The following TRAPPC9 variants were observed in gnomAD, a reference collection of about 807,000 sequenced individuals.
TRAPPC9 encodes trafficking protein particle complex subunit 9, also known as IKK2 binding protein.
A neutral mutation model predicts 124.0 loss-of-function variants in TRAPPC9; 83 were observed. That is an observed-to-expected ratio of 0.67 (90% CI 0.56 to 0.80). The LOEUF is 0.80. Among genes scored for constraint, TRAPPC9 ranks in the 30% least tolerant of loss-of-function variants. The pLI is 0.00. For synonymous variants in TRAPPC9, 638 were observed against 617.5 expected (o/e 1.03, Z -0.49); for missense variants, 1,302 against 1,508.3 (o/e 0.86, Z 2.27).
At chr8:139,777,928 C>A (rs928490686) in intron 21 of TRAPPC9, among the ~76,000 whole-genome samples, 1 of 151,856 alleles carries the variant, frequency 6.6e-6, no homozygotes, top group African/African-American at 2.4e-5. Context: ...AAGGTGAATG[C>A]AGCTAGAGTT....
intron 21 of TRAPPC9, among the ~76,000 whole-genome samples, chr8:139,796,590 T>C (rs1563820352): frequency 6.6e-6 from 1 of 152,276 alleles, no homozygotes; most frequent in Non-Finnish European, 1.5e-5. Context: ...AGCACTTCAT[T>C]CCTTTTCAGA....
At chr8:139,738,342 C>G (rs1168792023) in intron 21 of TRAPPC9, among the ~76,000 whole-genome samples, 1 of 152,230 alleles carries the variant, frequency 6.6e-6, no homozygotes, top group East Asian at 1.9e-4. Flanking sequence ...ATAATGTGCC[C>G]CCTCCACTTG....
intron 17 of TRAPPC9, among the ~76,000 whole-genome samples, chr8:140,037,210 C>T (rs2132006566): frequency 6.6e-6 from 1 of 152,188 alleles, no homozygotes; most frequent in South Asian, 2.1e-4. Flanking sequence ...GCCCAGGCCC[C>T]TGAGCGAGTG....
At chr8:140,174,968 G>C (rs1440656477) in intron 17 of TRAPPC9, among the ~76,000 whole-genome samples, 1 of 150,458 alleles carries the variant, frequency 6.6e-6, no homozygotes, top group African/African-American at 2.4e-5. Flanking sequence ...GTTTTTTGTG[G>C]AACTACCAAA....
chr8:139,761,567 G>A (rs932220508), intron 21 of TRAPPC9, among the ~76,000 whole-genome samples: 32 of 151,960 alleles, frequency 2.1e-4, no homozygotes, highest in Admixed American at 2.0e-3. Context: ...CTATGACCCC[G>A]CATTCTGACC....
At chr8:139,912,742 T>G (rs1208242163) in intron 19 of TRAPPC9, among the ~76,000 whole-genome samples, 3 of 152,248 alleles carry the variant, frequency 2.0e-5, no homozygotes, top group African/African-American at 7.2e-5. Flanking sequence ...GAATTACCCC[T>G]GAGGTTGAAC....
At chr8:140,088,341 C>G (rs1188133329) in intron 17 of TRAPPC9, among the ~76,000 whole-genome samples, 1 of 152,168 alleles carries the variant, frequency 6.6e-6, no homozygotes, top group Non-Finnish European at 1.5e-5. Context: ...AATCTATCAC[C>G]TAAGAGGTAT....
Position 140,186,363 on chromosome 8 carries a change from T to C in TRAPPC9, c.2556+35096A>G, listed in dbSNP as rs111609396. 4.6e-3 allele frequency among the ~76,000 whole-genome samples: 703 copies of C among 152,190 alleles called. 7 individuals carry two copies. The highest frequency in any genetic ancestry group is 0.016 in the African/African-American group (671 of 41,554). ...CTTTGGGAGGCCAAGGCAGGTGGATTACCTGAGGTCAGGAGTTTGAGACCA... is the reference window on the plus strand; with the variant it reads ...CTTTGGGAGGCCAAGGCAGGTGGATCACCTGAGGTCAGGAGTTTGAGACCA... On this transcript the variant is annotated intron_variant, in intron 17 of 22. Transcript: ENST00000438773.
chr8:139,918,563 G>A (rs1370883872), intron 19 of TRAPPC9, among the ~76,000 whole-genome samples: 2 of 152,220 alleles, frequency 1.3e-5, no homozygotes, highest in Admixed American at 1.3e-4. Flanking sequence ...CACGGAGCCG[G>A]CTCCCCTTGC....
At chr8:140,138,194 C>T (rs2061334085) in intron 17 of TRAPPC9, among the ~76,000 whole-genome samples, 1 of 152,150 alleles carries the variant, frequency 6.6e-6, no homozygotes, top group African/African-American at 2.4e-5. Context: ...CTCAGCTACT[C>T]AGGAGGCTAA....
chr8:139,862,505 G>A (rs1828234749), intron 21 of TRAPPC9, among the ~76,000 whole-genome samples: 1 of 152,240 alleles, frequency 6.6e-6, no homozygotes, highest in South Asian at 2.1e-4. Context: ...TGCCTCATCA[G>A]GCTCAAGGTC....
chr8:139,735,338 T>C (rs1818086875), intron 21 of TRAPPC9, among the ~76,000 whole-genome samples: 1 of 152,228 alleles, frequency 6.6e-6, no homozygotes, highest in South Asian at 2.1e-4. Flanking sequence ...TTGAGGGACT[T>C]TGTCTTGAGG....
At chr8:139,941,638 G>C (rs2131446430) in intron 19 of TRAPPC9, among the ~76,000 whole-genome samples, 1 of 152,242 alleles carries the variant, frequency 6.6e-6, no homozygotes, top group East Asian at 1.9e-4. Flanking sequence ...TCCAAGGCTA[G>C]TCACAGGTAT....
At chr8:140,321,203 C>G (rs1479214634) in intron 9 of TRAPPC9, among the ~76,000 whole-genome samples, 4 of 152,246 alleles carry the variant, frequency 2.6e-5, no homozygotes, top group South Asian at 2.1e-4. Flanking sequence ...GCGCTCCAGG[C>G]AGTCTCATGG....
chr8:140,385,361 A>G (rs2132314598), intron 7 of TRAPPC9, among the ~76,000 whole-genome samples: 1 of 152,336 alleles, frequency 6.6e-6, no homozygotes, highest in East Asian at 1.9e-4. Context: ...AAACCTTTAA[A>G]AATCAATGAA....
At chr8:139,768,970 C>T (rs1820767469) in intron 21 of TRAPPC9, among the ~76,000 whole-genome samples, 1 of 152,218 alleles carries the variant, frequency 6.6e-6, no homozygotes, top group African/African-American at 2.4e-5. Flanking sequence ...AGGAAGAAGG[C>T]AGTCGTCTAC....
intron 19 of TRAPPC9, among the ~76,000 whole-genome samples, chr8:139,963,211 C>G (rs2665929): frequency 0.37 from 56,348 of 151,976 alleles, 11,742 homozygotes; most frequent in Non-Finnish European, 0.47. Flanking sequence ...GATAATACTG[C>G]TATTTTTTCC....
At chr8:139,755,514 G>T (rs1210185140) in intron 21 of TRAPPC9, among the ~76,000 whole-genome samples, 6 of 133,220 alleles carry the variant, frequency 4.5e-5, no homozygotes, top group African/African-American at 8.8e-5. Context: ...AAGGACAGCA[G>T]GTCGCAGGAG....
At chr8:140,447,979 T>C (rs1432488028) in intron 2 of TRAPPC9, among the ~76,000 whole-genome samples, 2 of 151,942 alleles carry the variant, frequency 1.3e-5, no homozygotes, top group Non-Finnish European at 1.5e-5. Flanking sequence ...ACCCTGTCTC[T>C]ACTAAAAATA....
Sources: allele counts gnomAD v4.1 joint callset (sites outside exome capture counted in the v4.1 genomes callset), GRCh38; gene constraint gnomAD v4.1.1; transcripts MANE v1.5; gene names NCBI Gene and HGNC (gene_info 2026-07-23, HGNC 2026-07-21).